AGBL4: variants seen among roughly 807,000 people sequenced by gnomAD.
AGBL4 encodes AGBL carboxypeptidase 4.
In AGBL4, 58 loss-of-function variants were observed where a neutral mutation model predicts 66.4. That is an observed-to-expected ratio of 0.87 (90% CI 0.71 to 1.09). AGBL4 has a LOEUF of 1.09. AGBL4 is among the 50% of genes least tolerant of loss of function. AGBL4 has a pLI of 0.00. For missense variants in AGBL4, 579 were observed against 631.0 expected (o/e 0.92, Z 0.88); for synonymous variants, 234 against 222.9 (o/e 1.05, Z -0.44).
chr1:48,698,500 T>C (rs1317955043), intron 6 of AGBL4, among the ~76,000 whole-genome samples: 1 of 152,232 alleles, frequency 6.6e-6, no homozygotes, highest in Non-Finnish European at 1.5e-5. Flanking sequence ...GTGCCTTTTG[T>C]CCTCATCCTG....
At chr1:48,612,952 G>T (rs1645261805) in intron 9 of AGBL4, among the ~76,000 whole-genome samples, 1 of 152,120 alleles carries the variant, frequency 6.6e-6, no homozygotes, top group Admixed American at 6.5e-5. Flanking sequence ...TGACCAACGT[G>T]GCAAAACCCC....
At chr1:49,128,795 C>A (rs1186332632) in intron 4 of AGBL4, among the ~76,000 whole-genome samples, 1 of 151,284 alleles carries the variant, frequency 6.6e-6, no homozygotes, top group Non-Finnish European at 1.5e-5. Flanking sequence ...AATTTTTGAC[C>A]AAAGGTTTGG....
intron 3 of AGBL4, among the ~76,000 whole-genome samples, chr1:49,656,765 A>G (rs1326372052): frequency 6.6e-6 from 1 of 152,222 alleles, no homozygotes; most frequent in African/African-American, 2.4e-5. Flanking sequence ...CCACACGATT[A>G]TCTCAACAGA....
At chr1:49,990,296 G>A (rs962599045) in intron 1 of AGBL4, among the ~76,000 whole-genome samples, 21 of 152,154 alleles carry the variant, frequency 1.4e-4, no homozygotes, top group Admixed American at 2.0e-4. Flanking sequence ...GTTGAGAGAG[G>A]AAACTGGTGG....
chr1:49,546,948 G>A (rs1652539062), intron 3 of AGBL4, among the ~76,000 whole-genome samples: 2 of 152,204 alleles, frequency 1.3e-5, no homozygotes, highest in South Asian at 4.1e-4. Context: ...CTCCCACTCT[G>A]TGGGTTGTTT....
At position 48,917,135 on chromosome 1, in the gene AGBL4, C is replaced by T. The variant is rs929037353; in HGVS notation, c.595-49905G>A. 3.3e-5 allele frequency among the ~76,000 whole-genome samples: 5 copies of T among 152,038 alleles called. No individual in the cohort carries two copies. The South Asian group carries it at 8.3e-4, about 25-fold the overall frequency. On this transcript the variant is annotated intron_variant, in intron 5 of 13. Transcript: ENST00000371839. ...AGTAGTTTGGGAAAACGTATTTTGC[C>T]AATATTACCCAGTATAATCCAGGAC...
chr1:50,002,359 C>CTTT lies in AGBL4; in HGVS notation c.34+21401_34+21403dup, dbSNP rs372960346. 3.8e-3 allele frequency among the ~76,000 whole-genome samples: 362 copies of CTTT among 96,002 alleles called. 44 individuals carry two copies. Among genetic ancestry groups the CTTT allele is most frequent in the East Asian group, 0.011 (43 of 3,928 alleles). The allele number at this position is 96,002 out of a possible 152,430, so 63.0% of individuals were successfully genotyped here. ...TTGAGCCCTTAAATCTGCCCTAGTT[C>CTTT]TTTTTTTTTTTTTTTTTTTTTTTTT... On this transcript the variant is annotated intron_variant, in intron 1 of 13. Coordinates refer to ENST00000371839, the MANE Select transcript of AGBL4 (RefSeq NM_032785.4).
intron 2 of AGBL4, among the ~76,000 whole-genome samples, chr1:49,816,013 C>A (rs924126940): frequency 1.3e-5 from 2 of 152,044 alleles, no homozygotes; most frequent in African/African-American, 4.8e-5. Context: ...CCATCAGCCT[C>A]CCCAGTCACT....
intron 4 of AGBL4, among the ~76,000 whole-genome samples, chr1:49,182,285 T>C (rs1646943401): frequency 6.6e-6 from 1 of 152,230 alleles, no homozygotes; most frequent in Non-Finnish European, 1.5e-5. Flanking sequence ...GCATTTTGTT[T>C]CTACAATAAA....
At chr1:49,659,904 C>T (rs989047263) in intron 3 of AGBL4, among the ~76,000 whole-genome samples, 2 of 151,814 alleles carry the variant, frequency 1.3e-5, no homozygotes, top group Non-Finnish European at 2.9e-5. Flanking sequence ...CTACAGTAAC[C>T]GAAACAGCAC....
intron 4 of AGBL4, among the ~76,000 whole-genome samples, chr1:49,102,622 T>A (rs1396600427): frequency 1.3e-5 from 2 of 152,294 alleles, no homozygotes; most frequent in East Asian, 3.9e-4. Context: ...TATTGACACA[T>A]AATAGGATCT....
chr1:49,006,223 G>T (rs1264790443), intron 5 of AGBL4, among the ~76,000 whole-genome samples: 1 of 152,212 alleles, frequency 6.6e-6, no homozygotes. Context: ...GGAAGCGCAA[G>T]GGGTCAGGGA....
intron 6 of AGBL4, among the ~76,000 whole-genome samples, chr1:48,771,010 C>A (rs967633297): frequency 6.6e-6 from 1 of 152,112 alleles, no homozygotes; most frequent in Non-Finnish European, 1.5e-5. Flanking sequence ...TTGGGTAAAA[C>A]AAAAATCTCT....
chr1:48,912,625 C>A (rs1045303432), intron 5 of AGBL4, among the ~76,000 whole-genome samples: 4 of 152,182 alleles, frequency 2.6e-5, no homozygotes, highest in African/African-American at 9.7e-5. Flanking sequence ...TCTGGTCCAG[C>A]TCACTGCCAT....
intron 4 of AGBL4, among the ~76,000 whole-genome samples, chr1:49,148,128 T>G (rs932621172): frequency 6.6e-6 from 1 of 152,202 alleles, no homozygotes; most frequent in Non-Finnish European, 1.5e-5. Context: ...AGATAATACT[T>G]TGTAGGACTA....
chr1:49,682,203 C>T (rs557236107), intron 3 of AGBL4, among the ~76,000 whole-genome samples: 28 of 152,106 alleles, frequency 1.8e-4, no homozygotes, highest in Non-Finnish European at 3.5e-4. Context: ...GTCAAGAGAT[C>T]GAGACCATCC....
Position 49,400,012 on chromosome 1 carries a change from G to C in AGBL4, c.283-154148C>G, listed in dbSNP as rs1296347431. ...TTAAGTCTTTAATCCATTTTGATTT[G>C]ATTTTTGTATATGGTGAAGCATAGG... is the stretch of plus-strand genomic sequence containing the variant. On this transcript the variant is annotated intron_variant, in intron 3 of 13. Transcript: ENST00000371839. Among the ~76,000 whole-genome samples the C allele has an allele frequency of 2.0e-5, 3 of 152,018 alleles. No homozygotes were observed. In the East Asian group the frequency reaches 5.8e-4, roughly 29 times the overall value.
intron 5 of AGBL4, among the ~76,000 whole-genome samples, chr1:48,927,997 T>C (rs768216268): frequency 1.6e-4 from 25 of 152,206 alleles, no homozygotes; most frequent in Non-Finnish European, 1.5e-4. Flanking sequence ...TATCTAAGTG[T>C]ATGCGTTTTT....
intron 4 of AGBL4, among the ~76,000 whole-genome samples, chr1:49,071,899 A>G (rs1170166865): frequency 6.7e-6 from 1 of 149,938 alleles, no homozygotes; most frequent in African/African-American, 2.5e-5. Flanking sequence ...GTATGTCTCT[A>G]AGAATTTGCT....
Sources: allele counts gnomAD v4.1 joint callset (sites outside exome capture counted in the v4.1 genomes callset), GRCh38; gene constraint gnomAD v4.1.1; transcripts MANE v1.5; gene names NCBI Gene and HGNC (gene_info 2026-07-23, HGNC 2026-07-21).